Variants in SNTG2 observed in about 807,000 individuals in gnomAD.
SNTG2 encodes gamma-2-syntrophin.
SNTG2 carries 74 observed loss-of-function variants against 70.9 expected under a neutral mutation model. The ratio of observed to expected loss-of-function variants is 1.04; its 90% CI spans 0.86 to 1.27. SNTG2 has a LOEUF of 1.27. Among genes scored for constraint, SNTG2 ranks in the 50% most tolerant of loss-of-function variants. The pLI is 0.00. For synonymous variants in SNTG2, 278 were observed against 273.8 expected (o/e 1.02, Z -0.15); for missense variants, 717 against 690.7 (o/e 1.04, Z -0.43).
intron 7 of SNTG2, among the ~76,000 whole-genome samples, chr2:1,170,098 C>T (rs990028996): frequency 6.6e-6 from 1 of 152,042 alleles, no homozygotes; most frequent in African/African-American, 2.4e-5. Flanking sequence ...GAGAGTATCA[C>T]GGCAGATCTG....
chr2:955,870 C>T (rs145549591), intron 1 of SNTG2, among the ~76,000 whole-genome samples: 2,169 of 152,310 alleles, frequency 0.014, 22 homozygotes, highest in Non-Finnish European at 0.024. Flanking sequence ...GTCTGGGGTC[C>T]CAGCTACCCT....
intron 8 of SNTG2, among the ~76,000 whole-genome samples, chr2:1,196,434 G>A (rs1672913254): frequency 6.6e-6 from 1 of 152,098 alleles, no homozygotes; most frequent in Non-Finnish European, 1.5e-5. Context: ...GAAGAGATGA[G>A]CAAAGGCATA....
At chr2:1,026,431 AGG>A (rs1660482958) in intron 1 of SNTG2, among the ~76,000 whole-genome samples, 1 of 152,240 alleles carries the variant, frequency 6.6e-6, no homozygotes. Context: ...TTACCAGTAC[AGG>A]GACTTAGCCC....
At chr2:1,184,126 A>G (rs1672104768) in intron 8 of SNTG2, among the ~76,000 whole-genome samples, 1 of 152,178 alleles carries the variant, frequency 6.6e-6, no homozygotes, top group Non-Finnish European at 1.5e-5. Context: ...CCATCAGGAG[A>G]CTAAGCCAAG....
chr2:1,162,046 C>G (rs1287256218), intron 6 of SNTG2, among the ~76,000 whole-genome samples: 5 of 133,798 alleles, frequency 3.7e-5, no homozygotes, highest in African/African-American at 1.1e-4. Context: ...TGCACTCCAG[C>G]CTGGGCGACA....
At chr2:1,111,290 T>C (rs1666421885) in intron 4 of SNTG2, among the ~76,000 whole-genome samples, 2 of 152,202 alleles carry the variant, frequency 1.3e-5, no homozygotes, top group South Asian at 4.1e-4. Flanking sequence ...AGCCCTGAAG[T>C]GTGCGTGCTG....
In SNTG2 at chr2:1,197,551, A is replaced by G. The variant is rs1439271494; in HGVS notation, c.592-11552A>G. Among the ~76,000 whole-genome samples, 330 of 108,446 alleles carry G rather than the reference A, an allele frequency of 3.0e-3. 2 individuals carry two copies. Among genetic ancestry groups the G allele is most frequent in the African/African-American group, 2.7e-3 (91 of 34,174 alleles). The allele number at this position is 108,446 out of a possible 152,430, so 71.1% of individuals were successfully genotyped here. On this transcript the variant is annotated intron_variant, in intron 8 of 16. Transcript: ENST00000308624. ...TGTGTGTGTGTGTGTGTGTGTGTGTATATTTGATACAGGTTCTCACTGTCA... is the reference window on the plus strand; with the variant it reads ...TGTGTGTGTGTGTGTGTGTGTGTGTGTATTTGATACAGGTTCTCACTGTCA...
chr2:1,282,994 T>G (rs1456660073), intron 14 of SNTG2, among the ~76,000 whole-genome samples: 1 of 152,152 alleles, frequency 6.6e-6, no homozygotes. Context: ...AAGACAGAAG[T>G]GGCCACGGAA....
At chr2:981,110 T>C (rs1008625770) in intron 1 of SNTG2, among the ~76,000 whole-genome samples, 3 of 152,178 alleles carry the variant, frequency 2.0e-5, no homozygotes, top group Admixed American at 1.3e-4. Flanking sequence ...CAGGTACCAT[T>C]TTTACTACTG....
intron 4 of SNTG2, among the ~76,000 whole-genome samples, chr2:1,099,052 G>A (rs1454186671): frequency 1.3e-5 from 2 of 152,128 alleles, no homozygotes; most frequent in South Asian, 2.1e-4. Flanking sequence ...CATACAATTC[G>A]ATTTTGGACA....
intron 12 of SNTG2, among the ~76,000 whole-genome samples, chr2:1,256,962 TC>T (rs57125772): frequency 0.21 from 30,980 of 146,550 alleles, 4,326 homozygotes; most frequent in African/African-American, 0.39. Context: ...ACCCACTTCT[TC>T]TTTTTTTTTT....
chr2:1,001,740 A>AT (rs1659401758), intron 1 of SNTG2, among the ~76,000 whole-genome samples: 1 of 152,178 alleles, frequency 6.6e-6, no homozygotes, highest in African/African-American at 2.4e-5. Flanking sequence ...TATTAATATC[A>AT]TTTTTTAAAA....
intron 16 of SNTG2, among the ~76,000 whole-genome samples, chr2:1,366,768 G>A (rs982232213): frequency 1.3e-5 from 2 of 152,208 alleles, no homozygotes; most frequent in Non-Finnish European, 2.9e-5. Flanking sequence ...CACACAGCAG[G>A]CGCTGTTCCT....
Position 979,810 on chromosome 2 carries a change from C to A in SNTG2, c.72+28742C>A, listed in dbSNP as rs193149749. On this transcript the variant is annotated intron_variant, in intron 1 of 16. Coordinates refer to ENST00000308624, the MANE Select transcript of SNTG2 (RefSeq NM_018968.4). ...TTAACTCTTAGTGGCATATTTGCAA[C>A]TTTCTAACACATTGAATGTCCACAG... is the stretch of plus-strand genomic sequence containing the variant. Among the ~76,000 whole-genome samples, 29 of 152,110 alleles carry A rather than the reference C, an allele frequency of 1.9e-4. No homozygotes were observed. The East Asian group carries it at 5.4e-3, about 28-fold the overall frequency.
chr2:985,631 T>C (rs7566667), intron 1 of SNTG2, among the ~76,000 whole-genome samples: 2,706 of 152,172 alleles, frequency 0.018, 84 homozygotes, highest in African/African-American at 0.063. Context: ...GGTAAACTGA[T>C]ATCTCAGGCC....
chr2:1,233,373 T>G (rs1676389010), intron 9 of SNTG2, among the ~76,000 whole-genome samples: 1 of 152,100 alleles, frequency 6.6e-6, no homozygotes, highest in Admixed American at 6.5e-5. Flanking sequence ...TGAAAAAGGG[T>G]CAAATCTGTT....
intron 14 of SNTG2, among the ~76,000 whole-genome samples, chr2:1,295,884 T>A (rs1438099550): frequency 6.6e-6 from 1 of 151,588 alleles, no homozygotes; most frequent in Non-Finnish European, 1.5e-5. Context: ...CATCAATGGC[T>A]TTCACTGTAG....
chr2:1,247,291 AT>A (rs761640879), intron 11 of SNTG2, 35 bp from the exon 12 acceptor site: 1 of 1,372,948 alleles, frequency 7.3e-7, no homozygotes, highest in Non-Finnish European at 1.0e-6. Flanking sequence ...GTATGCCCTC[AT>A]TAAGGCTTGG....
At chr2:1,364,096 A>G (rs1047808812) in intron 16 of SNTG2, among the ~76,000 whole-genome samples, 1 of 151,620 alleles carries the variant, frequency 6.6e-6, no homozygotes, top group African/African-American at 2.4e-5. Context: ...TCAGCCTCCC[A>G]AGTAGCTGTG....
Sources: allele counts gnomAD v4.1 joint callset (sites outside exome capture counted in the v4.1 genomes callset), GRCh38; gene constraint gnomAD v4.1.1; transcripts MANE v1.5; gene names NCBI Gene and HGNC (gene_info 2026-07-23, HGNC 2026-07-21).